The following CNTRL variants were observed in gnomAD, a reference collection of about 807,000 sequenced individuals.
CNTRL encodes the protein 110 kDa centrosomal protein.
CNTRL carries 233 observed loss-of-function variants against 303.7 expected under a neutral mutation model. The ratio of observed to expected loss-of-function variants is 0.77; its 90% CI spans 0.69 to 0.86. The LOEUF (loss-of-function observed/expected upper bound fraction) is 0.86. Among genes scored for constraint, CNTRL ranks in the 40% least tolerant of loss-of-function variants. The pLI, the probability that CNTRL is intolerant of heterozygous loss-of-function variation, is 0.00. For synonymous variants in CNTRL, 900 were observed against 922.2 expected, an observed-to-expected ratio of 0.98 and a Z score of 0.44; for missense variants, 2,524 against 2,650.6, an observed-to-expected ratio of 0.95 and a Z score of 1.05.
intron 14 of CNTRL, among the ~76,000 whole-genome samples, chr9:121,127,121 A>G (rs892972530): frequency 8.5e-5 from 13 of 152,138 alleles, no homozygotes; most frequent in East Asian, 5.8e-4. Context: ...CGCCTGGCCT[A>G]TGTTTTCGAG....
chr9:121,145,001 T>G (rs1564269112), intron 21 of CNTRL, 42 bp downstream of exon 21: 11 of 1,517,026 alleles, frequency 7.3e-6, no homozygotes, highest in Non-Finnish European at 9.1e-6. Context: ...CTCAGATTCT[T>G]ATCAGTTCCT....
intron 14 of CNTRL, among the ~76,000 whole-genome samples, chr9:121,135,452 A>C (rs1219198758): frequency 1.3e-5 from 2 of 152,236 alleles, no homozygotes; most frequent in African/African-American, 4.8e-5. Flanking sequence ...TGAATATGAA[A>C]ACATTTTGTC....
Position 121,107,839 on chromosome 9 carries a change from G to C in CNTRL, c.846G>C (p.Lys282Asn). Residue 282 changes from lysine (K) to asparagine (N), a missense_variant, in exon 8 of 44, where the codon AAG (lysine) becomes AAC (asparagine). Coordinates refer to ENST00000373855, the MANE Select transcript of CNTRL (RefSeq NM_007018.6). ...VERLERDLEK[K>N]MIETEELKSK... ...GACTGGAAAGAGACCTAGAAAAAAA[G>C]ATGATAGAAACTGAAGAGCTTAAGA... 1 of 1,591,122 alleles carries C rather than the reference G, an allele frequency of 6.3e-7. No individual in the cohort carries two copies. Among genetic ancestry groups the C allele is most frequent in the Non-Finnish European group, 8.5e-7 (1 of 1,173,874 alleles).
At chr9:121,152,179 G>A (rs1031704562) in intron 25 of CNTRL, 1 of 278,966 alleles carries the variant, frequency 3.6e-6, no homozygotes, top group Non-Finnish European at 6.9e-6. Flanking sequence ...CATGTGGCCA[G>A]AGGAAGGAGA....
At chr9:121,103,348 G>A (rs933121577) in intron 7 of CNTRL, among the ~76,000 whole-genome samples, 2 of 152,222 alleles carry the variant, frequency 1.3e-5, no homozygotes, top group African/African-American at 4.8e-5. Flanking sequence ...CTAGCCATAT[G>A]TAGAAAGCTG....
chr9:121,100,746 CAG>C (rs1202345192), intron 7 of CNTRL, among the ~76,000 whole-genome samples: 3 of 152,138 alleles, frequency 2.0e-5, no homozygotes, highest in Non-Finnish European at 2.9e-5. Flanking sequence ...CAAAAAAAGG[CAG>C]GGGTTGCATT....
intron 7 of CNTRL, among the ~76,000 whole-genome samples, chr9:121,099,149 C>G (rs563869827): frequency 8.3e-4 from 127 of 152,312 alleles, no homozygotes; most frequent in Non-Finnish European, 1.4e-3. Flanking sequence ...AGTAGCCTAA[C>G]TGGGAGGCAT....
chr9:121,119,774 A>C (rs945479698), intron 12 of CNTRL, among the ~76,000 whole-genome samples: 2 of 151,850 alleles, frequency 1.3e-5, no homozygotes, highest in African/African-American at 2.4e-5. Flanking sequence ...GATTACAGTC[A>C]TGAGCCACCA....
chr9:121,075,502 A>G (rs980774314), intron 1 of CNTRL, among the ~76,000 whole-genome samples: 1 of 152,150 alleles, frequency 6.6e-6, no homozygotes, highest in Non-Finnish European at 1.5e-5. Context: ...GTGCGTGGAG[A>G]AAGATGACAG....
At position 121,123,975 on chromosome 9, in the gene CNTRL, CATT is replaced by C. The variant is rs1554749556; in HGVS notation, c.1698_1700del (p.Ile566del). ...AGAGCGGTAAAGAACAACAGCTTGA[CATT>C]ATGAACAAGCAGTACCAACAACTTG... On this transcript the variant is annotated inframe_deletion, in exon 13 of 44. Coordinates refer to ENST00000373855, the MANE Select transcript of CNTRL (RefSeq NM_007018.6). The C allele has an allele frequency of 1.9e-6, 3 of 1,610,766 alleles. No individual in the cohort carries two copies. The highest frequency in any genetic ancestry group is 1.7e-6 in the Non-Finnish European group (2 of 1,178,712).
At chr9:121,153,359 C>CTACTT (rs1420154297) in intron 26 of CNTRL, among the ~76,000 whole-genome samples, 1 of 152,228 alleles carries the variant, frequency 6.6e-6, no homozygotes, top group Non-Finnish European at 1.5e-5. Context: ...GTCTGGCTCA[C>CTACTT]TACTTTCCTG....
intron 13 of CNTRL, 91 bp from the exon 14 acceptor site, chr9:121,125,624 TA>T: frequency 9.0e-7 from 1 of 1,113,236 alleles, no homozygotes; most frequent in Non-Finnish European, 1.3e-6. Context: ...ATTGAAAGCT[TA>T]GAATTTCACT....
Position 121,157,493 on chromosome 9 carries a change from C to T in CNTRL, c.4389C>T (p.Phe1463=). The change falls in exon 28 of 44, where the codon TTC becomes TTT. Residue 1463 remains phenylalanine (F), a synonymous_variant. Transcript: ENST00000373855. ...AGACAAAAAATGCTGTTGAAAAGTT[C>T]ACTGATGCCAAGAGAAGTTTATTGC... ...KEKTKNAVEK[F]TDAKRSLLQT... is the part of the protein sequence containing the mutation. 1 of 1,613,656 alleles carries T rather than the reference C, an allele frequency of 6.2e-7. No individual in the cohort carries two copies. Among genetic ancestry groups the T allele is most frequent in the Non-Finnish European group, 8.5e-7 (1 of 1,179,868 alleles).
chr9:121,134,669 C>A, intron 14 of CNTRL, among the ~76,000 whole-genome samples: 1 of 152,206 alleles, frequency 6.6e-6, no homozygotes, highest in Non-Finnish European at 1.5e-5. Context: ...TGTGCACATG[C>A]GTGTGTGAAA....
At chr9:121,142,884 A>G (rs568973203) in intron 19 of CNTRL, among the ~76,000 whole-genome samples, 1 of 151,478 alleles carries the variant, frequency 6.6e-6, no homozygotes, top group South Asian at 2.1e-4. Context: ...TACTTGTCCA[A>G]CTTAAATTTT....
At chr9:121,092,491 ATATC>A (rs1291439346) in intron 4 of CNTRL, among the ~76,000 whole-genome samples, 1 of 81,790 alleles carries the variant, frequency 1.2e-5, no homozygotes, top group African/African-American at 5.9e-5. Flanking sequence ...TATATAATAT[ATATC>A]TATATATATA....
At chr9:121,119,336 G>A (rs1380557163) in intron 12 of CNTRL, among the ~76,000 whole-genome samples, 3 of 125,302 alleles carry the variant, frequency 2.4e-5, no homozygotes, top group Admixed American at 9.6e-5. Flanking sequence ...TTGCTCTGTC[G>A]CCAGGCTGGA....
At chr9:121,125,638 T>C in intron 13 of CNTRL, 78 bp from the exon 14 acceptor site, 1 of 1,241,318 alleles carries the variant, frequency 8.1e-7, no homozygotes. Context: ...ATTTCACTCT[T>C]GGCTTATAAC....
In CNTRL at chr9:121,154,867, G is replaced by T; in HGVS notation, c.4319G>T (p.Arg1440Leu). Residue 1440 changes from arginine (R) to leucine (L), a missense_variant, in exon 27 of 44, where the codon CGA becomes CTA. Transcript: ENST00000373855. ...KRRSELREADRLLAEAESELS... is the reference protein window; with the variant it reads ...KRRSELREADLLLAEAESELS... ...CGCTCAGAGCTCAGGGAAGCTGACC[G>T]ACTCCTGGCAGAGGCTGAGAGTGAA... The T allele has an allele frequency of 6.2e-7, 1 of 1,614,168 alleles. No homozygotes were observed. Among genetic ancestry groups the T allele is most frequent in the South Asian group, 1.1e-5 (1 of 91,066 alleles).
Sources: gnomAD v4.1 joint callset for allele counts (sites outside exome capture counted in the v4.1 genomes callset) on GRCh38, gnomAD v4.1.1 for gene constraint, MANE v1.5 for transcripts, NCBI Gene and HGNC (gene_info 2026-07-23, HGNC 2026-07-21) for gene names.